Variants in SH3BGRL2 observed in about 807,000 individuals in gnomAD.
SH3BGRL2 encodes SH3 domain binding glutamate rich protein like 2, also known as SH3 domain-binding glutamic acid-rich-like protein 2.
Under a neutral mutation model 14.8 loss-of-function variants are expected in SH3BGRL2, and 21 were observed. That is an observed-to-expected ratio of 1.42 (90% confidence interval 1.01 to 2.05). SH3BGRL2 has a LOEUF of 2.05. SH3BGRL2 is among the 30% of genes most tolerant of loss of function. The pLI, the probability that SH3BGRL2 is intolerant of heterozygous loss-of-function variation, is 0.00. For missense variants in SH3BGRL2, 147 were observed against 130.8 expected (o/e 1.12, Z -0.61); for synonymous variants, 50 against 47.8 (o/e 1.05, Z -0.19).
At chr6:79,552,416 C>A in the SH3BGRL2 span, among the ~76,000 whole-genome samples, 1 of 152,130 alleles carries the variant, frequency 6.6e-6, no homozygotes, top group Non-Finnish European at 1.5e-5. Flanking sequence ...ACTGGCATGG[C>A]CTTTGGTCCT....
At chr6:79,675,016 C>A (rs538254471) in intron 2 of SH3BGRL2, among the ~76,000 whole-genome samples, 1 of 151,954 alleles carries the variant, frequency 6.6e-6, no homozygotes, top group East Asian at 1.9e-4. Context: ...TGTGTGGTAA[C>A]CAAGGGTGTA....
At chr6:79,538,018 GTTTTTTTTTTTTTTTTTTTTTT>G in the SH3BGRL2 span, among the ~76,000 whole-genome samples, 24 of 44,164 alleles carry the variant, frequency 5.4e-4, no homozygotes, top group Admixed American at 3.8e-4. Context: ...TTGCACACAA[GTTTTTTTTTTTTTTTTTTTTTT>G]TTTTTTTTTT....
At chr6:79,584,138 T>C in the SH3BGRL2 span, among the ~76,000 whole-genome samples, 112 of 152,352 alleles carry the variant, frequency 7.4e-4, no homozygotes, top group African/African-American at 2.6e-3. Flanking sequence ...TATTTTTACT[T>C]TATTCCAGCA....
At chr6:79,590,424 GATATATATATATATATATAT>G in the SH3BGRL2 span, among the ~76,000 whole-genome samples, 360 of 66,686 alleles carry the variant, frequency 5.4e-3, 13 homozygotes, top group South Asian at 0.026. Flanking sequence ...AAGAAAATGT[GATATATATATATATATATAT>G]ATATATATAT....
At chr6:79,545,460 T>G in the SH3BGRL2 span, among the ~76,000 whole-genome samples, 5 of 152,248 alleles carry the variant, frequency 3.3e-5, no homozygotes, top group South Asian at 2.1e-4. Context: ...ATTTATGTTT[T>G]TATCCTTTCT....
intron 2 of SH3BGRL2, among the ~76,000 whole-genome samples, chr6:79,687,893 C>G (rs954971453): frequency 2.0e-5 from 3 of 152,162 alleles, no homozygotes; most frequent in Non-Finnish European, 2.9e-5. Flanking sequence ...GTGGGCCTTT[C>G]ACTTAATTGT....
intron 2 of SH3BGRL2, among the ~76,000 whole-genome samples, chr6:79,691,260 G>A (rs2127738324): frequency 6.6e-6 from 1 of 152,224 alleles, no homozygotes; most frequent in African/African-American, 2.4e-5. Context: ...ATCTTACAAG[G>A]AGTGGGAAGT....
chr6:79,631,582 C>G, intron 1 of SH3BGRL2, 76 bp downstream of exon 1: 1 of 1,208,466 alleles, frequency 8.3e-7, no homozygotes, highest in Non-Finnish European at 1.1e-6. Context: ...GCGCTCGTCA[C>G]TGCGCGTCCT....
upstream of SH3BGRL2, among the ~76,000 whole-genome samples, chr6:79,629,936 C>T (rs1185155691): frequency 6.6e-6 from 1 of 152,076 alleles, no homozygotes; most frequent in Non-Finnish European, 1.5e-5. Context: ...AAAATGCTGA[C>T]TTTTATAAAG....
the SH3BGRL2 span, among the ~76,000 whole-genome samples, chr6:79,599,388 T>G: frequency 1.8e-5 from 2 of 113,300 alleles, no homozygotes; most frequent in Middle Eastern, 4.1e-3. Context: ...TTTTTTTTTT[T>G]GAAATGGAAT....
chr6:79,676,058 T>C lies in SH3BGRL2; in HGVS notation c.231+2259T>C, dbSNP rs1377611117. The stretch of plus-strand genomic sequence containing the variant: ...TTCTCATTGCAGATATTGATAGTAG[T>C]ATCTGTAGGTCTTTTCTCAGATGGT... On this transcript the variant is annotated intron_variant, in intron 2 of 3. Transcript: ENST00000369838. Among the ~76,000 whole-genome samples the C allele has an allele frequency of 2.6e-5, 4 of 152,192 alleles. No individual in the cohort carries two copies. In the South Asian group the frequency reaches 6.2e-4, roughly 24 times the overall value.
chr6:79,636,187 T>G (rs1768917835), intron 1 of SH3BGRL2, among the ~76,000 whole-genome samples: 1 of 152,188 alleles, frequency 6.6e-6, no homozygotes, highest in South Asian at 2.1e-4. Flanking sequence ...CTGACCAGAT[T>G]GAGATCATAC....
chr6:79,611,545 G>A, the SH3BGRL2 span, among the ~76,000 whole-genome samples: 1 of 151,858 alleles, frequency 6.6e-6, no homozygotes, highest in African/African-American at 2.4e-5. Flanking sequence ...TGAGTAGCTG[G>A]GATTACAGGA....
intron 1 of SH3BGRL2, among the ~76,000 whole-genome samples, chr6:79,631,845 A>C (rs1015999846): frequency 6.6e-6 from 1 of 152,140 alleles, no homozygotes; most frequent in Non-Finnish European, 1.5e-5. Context: ...CCCTTCCCCT[A>C]GTTTAGTTCT....
the SH3BGRL2 span, among the ~76,000 whole-genome samples, chr6:79,538,074 A>G: frequency 9.0e-6 from 1 of 111,074 alleles, no homozygotes; most frequent in East Asian, 2.7e-4. Context: ...TTTGAGGAGC[A>G]TGTCAGCCTA....
At chr6:79,597,771 G>A in the SH3BGRL2 span, among the ~76,000 whole-genome samples, 472 of 152,240 alleles carry the variant, frequency 3.1e-3, 3 homozygotes, top group Non-Finnish European at 5.6e-3. Context: ...GGACATCCTC[G>A]AAATTTAAAA....
At chr6:79,646,567 A>G (rs1369991708) in intron 1 of SH3BGRL2, among the ~76,000 whole-genome samples, 1 of 152,236 alleles carries the variant, frequency 6.6e-6, no homozygotes, top group Non-Finnish European at 1.5e-5. Context: ...CACATGCCAT[A>G]AAATTAACTT....
the SH3BGRL2 span, among the ~76,000 whole-genome samples, chr6:79,559,762 T>G: frequency 1.3e-5 from 2 of 152,146 alleles, no homozygotes; most frequent in African/African-American, 2.4e-5. Flanking sequence ...CATGGAGATA[T>G]TTAGGGGTAA....
the SH3BGRL2 span, among the ~76,000 whole-genome samples, chr6:79,560,409 G>A: frequency 1.3e-5 from 2 of 152,174 alleles, no homozygotes; most frequent in African/African-American, 4.8e-5. Context: ...AGGTGTGGTG[G>A]TGTGTGCCTG....
Sources: gnomAD v4.1 joint callset for allele counts (sites outside exome capture counted in the v4.1 genomes callset) on GRCh38, gnomAD v4.1.1 for gene constraint, MANE v1.5 for transcripts, NCBI Gene and HGNC (gene_info 2026-07-23, HGNC 2026-07-21) for gene names.